The following ZBTB40 variants were observed in gnomAD, a reference collection of about 807,000 sequenced individuals.
ZBTB40 encodes the protein zinc finger and BTB domain-containing protein 40.
In ZBTB40, 60 loss-of-function variants were observed where a neutral mutation model predicts 117.5. That is an observed-to-expected ratio of 0.51 (90% CI 0.41 to 0.63). ZBTB40 has a LOEUF of 0.63. Among genes scored for constraint, ZBTB40 ranks in the 30% least tolerant of loss-of-function variants. ZBTB40 has a pLI of 0.00. For missense variants in ZBTB40, 1,287 were observed against 1,498.5 expected, an observed-to-expected ratio of 0.86 and a Z score of 2.33; for synonymous variants, 525 against 577.1, an observed-to-expected ratio of 0.91 and a Z score of 1.29.
intron 9 of ZBTB40, among the ~76,000 whole-genome samples, chr1:22,510,466 A>G (rs1639201712): frequency 6.6e-6 from 1 of 152,210 alleles, no homozygotes; most frequent in African/African-American, 2.4e-5. Context: ...CATCAGGTTT[A>G]TTTAGATAGA....
At chr1:22,495,668 T>A (rs1638754062) in intron 3 of ZBTB40, among the ~76,000 whole-genome samples, 1 of 152,042 alleles carries the variant, frequency 6.6e-6, no homozygotes, top group Non-Finnish European at 1.5e-5. Flanking sequence ...CGCACACCCA[T>A]GCCTGGCTAA....
At chr1:22,514,090 G>A (rs1029899056) in intron 12 of ZBTB40, among the ~76,000 whole-genome samples, 4 of 152,128 alleles carry the variant, frequency 2.6e-5, no homozygotes, top group Admixed American at 6.5e-5. Flanking sequence ...GATTGTCAGC[G>A]GTATAATGTG....
At chr1:22,521,351 C>A in intron 14 of ZBTB40, 145 bp from the exon 15 acceptor site, 1 of 1,039,008 alleles carries the variant, frequency 9.6e-7, no homozygotes, top group Non-Finnish European at 1.5e-6. Flanking sequence ...TTCCTCACAT[C>A]AGCACCCGGT....
intron 1 of ZBTB40, among the ~76,000 whole-genome samples, chr1:22,480,419 G>A (rs1406652640): frequency 6.6e-6 from 1 of 152,086 alleles, no homozygotes; most frequent in East Asian, 1.9e-4. Context: ...GACATTTTCT[G>A]CTATTAGCTT....
At chr1:22,434,621 A>G (rs1215155406) in intron 1 of ZBTB40, among the ~76,000 whole-genome samples, 1 of 152,190 alleles carries the variant, frequency 6.6e-6, no homozygotes, top group African/African-American at 2.4e-5. Context: ...AGGTATAGAT[A>G]AAACTTCTTT....
At chr1:22,460,183 A>G (rs557345884) in intron 1 of ZBTB40, among the ~76,000 whole-genome samples, 2 of 152,154 alleles carry the variant, frequency 1.3e-5, no homozygotes, top group Admixed American at 6.5e-5. Flanking sequence ...CAGTCAGAAC[A>G]TATTTGCTGA....
chr1:22,461,423 T>C (rs1318533021), intron 1 of ZBTB40, among the ~76,000 whole-genome samples: 1 of 150,896 alleles, frequency 6.6e-6, no homozygotes, highest in Admixed American at 6.6e-5. Flanking sequence ...TAGAATCCCA[T>C]AGGCTCTTTC....
rs1448606728 is a variant in ZBTB40 at position 22,513,854 on chromosome 1, T to A, written c.2668+724T>A. ...ACCTCCTATGACTTTATATTAGGTCTTGTGGAAAAGTCATTGTGGTTTTTG... is the reference window on the plus strand; with the variant it reads ...ACCTCCTATGACTTTATATTAGGTCATGTGGAAAAGTCATTGTGGTTTTTG... On this transcript the variant is annotated intron_variant, in intron 12 of 17. Coordinates refer to ENST00000375647, the MANE Select transcript of ZBTB40 (RefSeq NM_014870.4). The surrounding 1 kb of genome is among the most constrained non-coding windows in gnomAD (Gnocchi z 4.9). 1.3e-5 allele frequency among the ~76,000 whole-genome samples: 2 copies of A among 152,342 alleles called. No individual in the cohort carries two copies. The highest frequency in any genetic ancestry group is 3.9e-4 in the East Asian group (2 of 5,192).
chr1:22,439,090 A>T (rs1640704098), intron 1 of ZBTB40, among the ~76,000 whole-genome samples: 1 of 151,658 alleles, frequency 6.6e-6, no homozygotes. Flanking sequence ...CTGGTCTCGA[A>T]CTCCTGACCT....
intron 1 of ZBTB40, among the ~76,000 whole-genome samples, chr1:22,470,790 T>C (rs1222127288): frequency 6.6e-6 from 1 of 152,202 alleles, no homozygotes; most frequent in Non-Finnish European, 1.5e-5. Context: ...CCGTGCCGTG[T>C]AGTTGGCCCT....
At chr1:22,492,169 T>C (rs1023694126) in intron 3 of ZBTB40, among the ~76,000 whole-genome samples, 1 of 152,204 alleles carries the variant, frequency 6.6e-6, no homozygotes, top group African/African-American at 2.4e-5. Flanking sequence ...AGAGCTCATA[T>C]GACCCTGAGC....
intron 1 of ZBTB40, among the ~76,000 whole-genome samples, chr1:22,478,603 T>C (rs1641609054): frequency 6.6e-6 from 1 of 152,058 alleles, no homozygotes; most frequent in Non-Finnish European, 1.5e-5. Context: ...CTTCATAGGG[T>C]TGTTGAAAGG....
chr1:22,476,575 A>G (rs1346136368), intron 1 of ZBTB40, among the ~76,000 whole-genome samples: 1 of 152,322 alleles, frequency 6.6e-6, no homozygotes, highest in South Asian at 2.1e-4. Flanking sequence ...AAATGAATAA[A>G]TATTCTTTGT....
chr1:22,521,799 C>G (rs1230556717), intron 15 of ZBTB40, 141 bp downstream of exon 15: 1 of 1,253,624 alleles, frequency 8.0e-7, no homozygotes, highest in Non-Finnish European at 1.2e-6. Flanking sequence ...CGCACCTGTC[C>G]GTAGCAGCAG....
intron 17 of ZBTB40, among the ~76,000 whole-genome samples, chr1:22,525,597 T>C (rs763060115): frequency 3.3e-4 from 51 of 152,334 alleles, no homozygotes; most frequent in Non-Finnish European, 5.9e-4. Context: ...TCTAACAGAT[T>C]ATGCAGATTT....
At chr1:22,445,383 A>C (rs565341369) in intron 1 of ZBTB40, among the ~76,000 whole-genome samples, 2 of 152,278 alleles carry the variant, frequency 1.3e-5, no homozygotes, top group South Asian at 4.1e-4. Context: ...AGCACTTGTA[A>C]AGTTCACAGT....
chr1:22,464,777 C>T (rs982271770), intron 1 of ZBTB40, among the ~76,000 whole-genome samples: 1 of 152,086 alleles, frequency 6.6e-6, no homozygotes, highest in African/African-American at 2.4e-5. Flanking sequence ...GAATTATACA[C>T]GTATTCAGTT....
At chr1:22,484,848 G>A (rs1638422390) in intron 1 of ZBTB40, among the ~76,000 whole-genome samples, 1 of 152,170 alleles carries the variant, frequency 6.6e-6, no homozygotes, top group South Asian at 2.1e-4. Context: ...TTTTTATCAT[G>A]AATGGGCATT....
chr1:22,466,422 A>T (rs997635687), intron 1 of ZBTB40, among the ~76,000 whole-genome samples: 1 of 152,162 alleles, frequency 6.6e-6, no homozygotes, highest in Non-Finnish European at 1.5e-5. Context: ...GCTGGGTCAT[A>T]TGGTGTCTCT....
Sources: gnomAD v4.1 joint callset for allele counts (sites outside exome capture counted in the v4.1 genomes callset) on GRCh38, gnomAD v4.1.1 for gene constraint, Gnocchi (gnomAD v3.1) non-coding constraint, MANE v1.5 for transcripts, NCBI Gene and HGNC (gene_info 2026-07-23, HGNC 2026-07-21) for gene names.